Variants in CERK observed in about 807,000 individuals in gnomAD.
CERK encodes ceramide kinase.
Under a neutral mutation model 63.4 loss-of-function variants are expected in CERK, and 39 were observed. That is an observed-to-expected ratio of 0.61 (90% CI 0.48 to 0.80). The LOEUF is 0.80. CERK is among the 30% of genes least tolerant of loss of function. The pLI is 0.00. For synonymous variants in CERK, 302 were observed against 280.0 expected, an observed-to-expected ratio of 1.08 and a Z score of -0.78; for missense variants, 670 against 714.1, an observed-to-expected ratio of 0.94 and a Z score of 0.70.
intron 11 of CERK, among the ~76,000 whole-genome samples, chr22:46,690,959 A>ATGTG (rs1050577379): frequency 2.0e-5 from 3 of 151,614 alleles, no homozygotes; most frequent in Non-Finnish European, 4.4e-5. Flanking sequence ...GTATGTATGT[A>ATGTG]TGTGTGTGTA....
chr22:46,696,840 A>AG lies in CERK; in HGVS notation c.944-1526dup, dbSNP rs899239208. ...GCCTGTGGTGATGGGCTGAGGGCAA[A>AG]GGGGGGGGCCAGGCATGCAGGGGGG... On this transcript the variant is annotated intron_variant, in intron 8 of 12. Transcript: ENST00000216264. 6.2e-4 allele frequency among the ~76,000 whole-genome samples: 94 copies of AG among 151,126 alleles called. 3 individuals carry two copies. The East Asian group carries it at 0.017, about 27-fold the overall frequency.
intron 8 of CERK, among the ~76,000 whole-genome samples, chr22:46,696,492 G>C (rs2082757060): frequency 6.6e-6 from 1 of 152,124 alleles, no homozygotes; most frequent in Non-Finnish European, 1.5e-5. Context: ...TCATCACCCA[G>C]ACGCAGCCTC....
chr22:46,733,139 C>T (rs545679341), intron 1 of CERK, among the ~76,000 whole-genome samples: 2 of 132,996 alleles, frequency 1.5e-5, no homozygotes, highest in South Asian at 2.7e-4. Flanking sequence ...ACCCGGGAGG[C>T]GGAGCTTGCA....
chr22:46,689,851 G>T (rs2082720876), intron 12 of CERK, 141 bp downstream of exon 12: 3 of 611,064 alleles, frequency 4.9e-6, no homozygotes, highest in South Asian at 2.2e-5. Context: ...CATAGGGAGA[G>T]AAAAGTGCAT....
intron 1 of CERK, among the ~76,000 whole-genome samples, chr22:46,735,751 C>T (rs888714534): frequency 2.0e-5 from 3 of 152,200 alleles, no homozygotes; most frequent in East Asian, 1.9e-4. Flanking sequence ...GGCAATGCCA[C>T]CTTGCTGACC....
Position 46,687,074 on chromosome 22 carries a change from G to A in CERK, c.*60C>T, listed in dbSNP as rs1292011954. On this transcript the variant is annotated 3_prime_UTR_variant, in exon 13 of 13. Transcript: ENST00000216264. ...ATGTATATATCAACATAATTGGTCT[G>A]TAATAATTATCTTAAATAGTTTTCA... 7 of 1,364,822 alleles carry A rather than the reference G, an allele frequency of 5.1e-6. No homozygotes were observed. The allele number at this position is 1,364,822 out of a possible 1,614,324, so 84.5% of individuals were successfully genotyped here.
In CERK at chr22:46,693,428, C is replaced by T. The variant is rs780548627; in HGVS notation, c.1125G>A (p.Ala375=). The T allele has an allele frequency of 8.1e-6, 13 of 1,613,702 alleles. No individual in the cohort carries two copies. Among genetic ancestry groups the T allele is most frequent in the Admixed American group, 5.0e-5 (3 of 59,998 alleles). The part of the protein sequence containing the change: ...QKKALYGLEA[A]EDVEEWQVVC... ...CTGAGCCTGTGTTTTAGGAATTACC[C>T]GCAGCTTCCAAACCATACAGTGCTT... Residue 375 remains alanine, a splice_region_variant and synonymous_variant, in exon 10 of 13, where the codon GCG becomes GCA. Transcript: ENST00000216264.
At chr22:46,726,889 T>C (rs2082921197) in intron 1 of CERK, among the ~76,000 whole-genome samples, 1 of 152,190 alleles carries the variant, frequency 6.6e-6, no homozygotes, top group African/African-American at 2.4e-5. Flanking sequence ...AGCTGCGACT[T>C]ATCCAGACGC....
chr22:46,691,522 A>G (rs764948848), intron 11 of CERK, 50 bp downstream of exon 11: 19 of 1,459,206 alleles, frequency 1.3e-5, no homozygotes, highest in Admixed American at 1.8e-5. Context: ...GGACTGCTGG[A>G]ACATAAATTA....
At chr22:46,718,037 C>T (rs981707378) in intron 3 of CERK, among the ~76,000 whole-genome samples, 5 of 152,088 alleles carry the variant, frequency 3.3e-5, no homozygotes, top group African/African-American at 1.2e-4. Context: ...GAGATTGCAC[C>T]ACTGCACTCC....
chr22:46,718,412 G>A lies in CERK; in HGVS notation c.379+1674C>T, dbSNP rs150373931. ...AGAGACAAACAGAGGAGGGGAAGGC[G>A]GGAGAAACAGATGCACTCTTCTGAA... On this transcript the variant is annotated intron_variant, in intron 3 of 12. Transcript: ENST00000216264. Among the ~76,000 whole-genome samples the A allele has an allele frequency of 3.5e-3, 527 of 152,224 alleles. 5 individuals are homozygous for A. The highest frequency in any genetic ancestry group is 0.012 in the African/African-American group (502 of 41,526).
intron 2 of CERK, 52 bp downstream of exon 2, chr22:46,720,850 A>C: frequency 8.9e-7 from 1 of 1,117,790 alleles, no homozygotes; most frequent in Middle Eastern, 2.0e-4. Context: ...CCTCTCGTGT[A>C]ATCTACATAG....
rs9626898 is a variant in CERK, at chr22:46,722,925, A to G, written c.143-1910T>C. 2.3e-3 allele frequency among the ~76,000 whole-genome samples: 345 copies of G among 152,260 alleles called. 1 individual carries two copies. The highest frequency in any genetic ancestry group is 7.8e-3 in the African/African-American group (324 of 41,538). On this transcript the variant is annotated intron_variant, in intron 1 of 12. Transcript: ENST00000216264. ...CAGAGGATTCCCCGTGGGTGGAGGA[A>G]GGCGACGTAGGGGCAGGAGCTGGGG...
At chr22:46,734,557 G>C (rs545711023) in intron 1 of CERK, among the ~76,000 whole-genome samples, 2 of 152,232 alleles carry the variant, frequency 1.3e-5, no homozygotes, top group Non-Finnish European at 2.9e-5. Context: ...GGGCTGCTGC[G>C]ATCCGGGTGA....
At chr22:46,734,786 C>A (rs906614963) in intron 1 of CERK, among the ~76,000 whole-genome samples, 1 of 152,230 alleles carries the variant, frequency 6.6e-6, no homozygotes, top group Non-Finnish European at 1.5e-5. Flanking sequence ...TTAATCACGT[C>A]TAAGTCGAAG....
Position 46,693,468 on chromosome 22 carries a change from T to C in CERK, c.1085A>G (p.Glu362Gly). 2.5e-6 allele frequency: 4 copies of C among 1,614,156 alleles called. No individual in the cohort carries two copies. The highest frequency in any genetic ancestry group is 3.4e-6 in the Non-Finnish European group (4 of 1,180,022). Residue 362 changes from glutamate (E) to glycine (G), a missense_variant, in exon 10 of 13, where the codon GAG (glutamate) becomes GGG (glycine). Glu to Gly is a moderately conservative substitution (Grantham distance 98). Transcript: ENST00000216264. Reference sequence around the variant, plus strand: ...ATACAGTGCTTTCTTCTGCTCCTCCTCCAGCTGCTGCTTGCTTTGCCTGCA... The same window carrying C: ...ATACAGTGCTTTCTTCTGCTCCTCCCCCAGCTGCTGCTTGCTTTGCCTGCA... ...FVCRQSKQQL[E>G]EEQKKALYGL...
chr22:46,699,172 T>C (rs1411777967), intron 8 of CERK, 141 bp downstream of exon 8: 1 of 873,794 alleles, frequency 1.1e-6, no homozygotes, highest in Non-Finnish European at 1.8e-6. Context: ...CCCCGGCACA[T>C]TTCATGAGGC....
intron 10 of CERK, 86 bp from the exon 11 acceptor site, chr22:46,691,863 C>T (rs1310623747): frequency 3.2e-6 from 3 of 952,150 alleles, no homozygotes; most frequent in Admixed American, 5.2e-5. Context: ...GCCATTCGGG[C>T]TCTCACCTGC....
intron 1 of CERK, among the ~76,000 whole-genome samples, chr22:46,736,177 A>G (rs2082972259): frequency 6.6e-6 from 1 of 152,250 alleles, no homozygotes; most frequent in South Asian, 2.1e-4. Context: ...TTAGCATGCC[A>G]AGAGGCAAAC....
Sources: allele counts gnomAD v4.1 joint callset (sites outside exome capture counted in the v4.1 genomes callset), GRCh38; gene constraint gnomAD v4.1.1; transcripts MANE v1.5; gene names NCBI Gene and HGNC (gene_info 2026-07-23, HGNC 2026-07-21).